The following RIMS1 variants were observed in gnomAD, a reference collection of about 807,000 sequenced individuals.
The protein encoded by RIMS1 is regulating synaptic membrane exocytosis 1, also known as regulating synaptic membrane exocytosis protein 1.
RIMS1 carries 83 observed loss-of-function variants against 214.1 expected under a neutral mutation model. That is an observed-to-expected ratio of 0.39 (90% confidence interval 0.32 to 0.47). The LOEUF is 0.47. RIMS1 is among the 20% of genes least tolerant of loss of function. The probability of loss-of-function intolerance (pLI) is 0.99; values close to 1 mark genes in which losing one functional copy is unlikely to be tolerated. For synonymous variants in RIMS1, 793 were observed against 786.8 expected (o/e 1.01, Z -0.13); for missense variants, 2,050 against 2,161.8 (o/e 0.95, Z 1.03).
chr6:71,886,912 G>C lies in RIMS1; in HGVS notation c.-112G>C. The C allele has an allele frequency of 7.7e-7, 1 of 1,296,814 alleles. No homozygotes were observed. The allele number at this position is 1,296,814 out of a possible 1,614,324, so 80.3% of individuals were successfully genotyped here. A position where few individuals can be genotyped will look rare whatever the true frequency, so the allele number is the denominator to read the frequency against. On this transcript the variant is annotated 5_prime_UTR_variant, in exon 1 of 34. Coordinates refer to ENST00000521978, the MANE Select transcript of RIMS1 (RefSeq NM_014989.7). ...CGCCGCCGCCGCTGCTCCTCCTCCT[G>C]CCGCCGCCGCTAGGGCTCCGCTGTG...
At chr6:72,160,437 A>T (rs964934942) in intron 4 of RIMS1, among the ~76,000 whole-genome samples, 4 of 139,662 alleles carry the variant, frequency 2.9e-5, no homozygotes, top group African/African-American at 9.9e-5. Context: ...AGGAGTGGTG[A>T]GAGAGGACAT....
intron 2 of RIMS1, among the ~76,000 whole-genome samples, chr6:72,033,613 C>G (rs1177430022): frequency 1.3e-5 from 2 of 152,014 alleles, no homozygotes; most frequent in Non-Finnish European, 2.9e-5. Flanking sequence ...TCCCGAGTAG[C>G]TGGAATTACA....
intron 4 of RIMS1, among the ~76,000 whole-genome samples, chr6:72,125,727 C>T (rs965623348): frequency 2.0e-5 from 3 of 152,312 alleles, no homozygotes; most frequent in South Asian, 4.1e-4. Context: ...GCTGCCACCT[C>T]GCAGTTGGAT....
rs574218690 is a variant in RIMS1, at chr6:71,953,576, TCTGA to T, written c.165-15404_165-15401del. Among the ~76,000 whole-genome samples the T allele has an allele frequency of 1.6e-3, 248 of 152,326 alleles. 4 individuals are homozygous for T. Among genetic ancestry groups the T allele is most frequent in the Admixed American group, 0.015 (236 of 15,296 alleles). On this transcript the variant is annotated intron_variant, in intron 1 of 33. Transcript: ENST00000521978. ...ATTGTTTTTGAAAGCATGTTAACAT[TCTGA>T]CTTATTTCTCATTATTTTTCCATTA...
intron 1 of RIMS1, among the ~76,000 whole-genome samples, chr6:71,911,800 T>A (rs1237100691): frequency 6.6e-6 from 1 of 152,124 alleles, no homozygotes; most frequent in African/African-American, 2.4e-5. Context: ...TCCTGATGAG[T>A]CAGTATATAG....
intron 1 of RIMS1, among the ~76,000 whole-genome samples, chr6:71,954,974 A>G (rs1258020156): frequency 6.6e-6 from 1 of 152,136 alleles, no homozygotes; most frequent in Non-Finnish European, 1.5e-5. Context: ...ATTGAATTAT[A>G]TAGTAAGAAC....
intron 2 of RIMS1, among the ~76,000 whole-genome samples, chr6:71,978,036 G>A (rs948677674): frequency 5.9e-5 from 9 of 152,150 alleles, no homozygotes; most frequent in Non-Finnish European, 1.3e-4. Flanking sequence ...CAGCTGAGAT[G>A]AAGCATGTGG....
At chr6:72,199,926 TG>T (rs2051638039) in intron 6 of RIMS1, among the ~76,000 whole-genome samples, 1 of 152,054 alleles carries the variant, frequency 6.6e-6, no homozygotes, top group Non-Finnish European at 1.5e-5. Context: ...AAAATAAGGT[TG>T]GGAAGTAGAA....
intron 30 of RIMS1, 91 bp from the exon 31 acceptor site, chr6:72,392,607 A>G (rs138400427): frequency 4.6e-5 from 41 of 883,314 alleles, no homozygotes; most frequent in African/African-American, 3.9e-4. Context: ...TTTATGTTTC[A>G]TGATCATAAT....
chr6:72,071,097 A>G (rs1474655815), intron 2 of RIMS1, among the ~76,000 whole-genome samples: 1 of 152,186 alleles, frequency 6.6e-6, no homozygotes, highest in Non-Finnish European at 1.5e-5. Context: ...TTCACAAGAT[A>G]TAAATCTAGG....
intron 2 of RIMS1, among the ~76,000 whole-genome samples, chr6:72,085,463 T>C (rs1834428947): frequency 6.6e-6 from 1 of 152,176 alleles, no homozygotes; most frequent in East Asian, 1.9e-4. Context: ...AATATGTGTA[T>C]ATAACATAAT....
intron 2 of RIMS1, among the ~76,000 whole-genome samples, chr6:72,000,524 T>C (rs1804841500): frequency 1.3e-5 from 2 of 152,134 alleles, no homozygotes; most frequent in Admixed American, 6.6e-5. Flanking sequence ...TAAATACTCT[T>C]ACCATTTGCA....
At chr6:71,949,345 C>T (rs1481960695) in intron 1 of RIMS1, among the ~76,000 whole-genome samples, 1 of 151,970 alleles carries the variant, frequency 6.6e-6, no homozygotes, top group Non-Finnish European at 1.5e-5. Flanking sequence ...CTTCTTTCTC[C>T]AACAATGGGG....
rs137976034 is a variant in RIMS1, at chr6:72,124,986, C to T, written c.471+25000C>T. On this transcript the variant is annotated intron_variant, in intron 4 of 33. Coordinates refer to ENST00000521978, the MANE Select transcript of RIMS1 (RefSeq NM_014989.7). ...CTTCTGAAGCCTACTTCTGTCAACT[C>T]GTCAAAGTCATTCTCTGTCCAGCTT... Among the ~76,000 whole-genome samples the T allele has an allele frequency of 4.0e-3, 609 of 152,290 alleles. 10 individuals are homozygous for T. The highest frequency in any genetic ancestry group is 0.014 in the African/African-American group (573 of 41,562).
At chr6:71,996,946 T>G (rs942009308) in intron 2 of RIMS1, among the ~76,000 whole-genome samples, 1 of 152,222 alleles carries the variant, frequency 6.6e-6, no homozygotes, top group African/African-American at 2.4e-5. Context: ...ACTAATCAGA[T>G]GTAGTAACTG....
At chr6:71,995,458 G>GTGTGTA (rs761220216) in intron 2 of RIMS1, among the ~76,000 whole-genome samples, 26 of 148,542 alleles carry the variant, frequency 1.8e-4, no homozygotes, top group Non-Finnish European at 3.5e-4. Context: ...TGACGTGTGT[G>GTGTGTA]TGTGTGTGTG....
chr6:72,398,684 C>T lies in RIMS1; in HGVS notation c.4721-271C>T, dbSNP rs377042425. Among the ~76,000 whole-genome samples the T allele has an allele frequency of 4.1e-4, 62 of 152,116 alleles. 1 individual carries two copies. The highest frequency in any genetic ancestry group is 1.4e-3 in the African/African-American group (60 of 41,514). ...CTAATCATAAAAAGGTAACAATGAG[C>T]TTTAAGATATAAACCTGCATTGTAA... On this transcript the variant is annotated intron_variant, in intron 32 of 33. Transcript: ENST00000521978.
At chr6:71,921,233 G>A (rs1360691394) in intron 1 of RIMS1, among the ~76,000 whole-genome samples, 1 of 152,128 alleles carries the variant, frequency 6.6e-6, no homozygotes, top group South Asian at 2.1e-4. Flanking sequence ...CAATTCTCCT[G>A]CCTCAGCCTC....
At chr6:71,907,517 A>T (rs12192634) in intron 1 of RIMS1, among the ~76,000 whole-genome samples, 27,652 of 152,100 alleles carry the variant, frequency 0.18, 2,664 homozygotes, top group East Asian at 0.34. Context: ...TACAGCACAG[A>T]ACAGCTGACA....
Sources: allele counts gnomAD v4.1 joint callset (sites outside exome capture counted in the v4.1 genomes callset), GRCh38; gene constraint gnomAD v4.1.1; transcripts MANE v1.5; gene names NCBI Gene and HGNC (gene_info 2026-07-23, HGNC 2026-07-21).